Variants in DLG1 observed in about 807,000 individuals in gnomAD.
DLG1 encodes the protein discs large MAGUK scaffold protein 1.
Under a neutral mutation model 123.4 loss-of-function variants are expected in DLG1, and 42 were observed. That is an observed-to-expected ratio of 0.34 (90% CI 0.27 to 0.44). DLG1 has a LOEUF of 0.44. Among genes scored for constraint, DLG1 ranks in the 20% least tolerant of loss-of-function variants. The pLI, the probability that DLG1 is intolerant of heterozygous loss-of-function variation, is 1.00. For missense variants in DLG1, 942 were observed against 1,082.6 expected, an observed-to-expected ratio of 0.87 and a Z score of 1.82; for synonymous variants, 317 against 356.2, an observed-to-expected ratio of 0.89 and a Z score of 1.24.
At chr3:197,261,944 C>A (rs944246165) in intron 4 of DLG1, among the ~76,000 whole-genome samples, 2 of 152,108 alleles carry the variant, frequency 1.3e-5, no homozygotes, top group Non-Finnish European at 2.9e-5. Flanking sequence ...ATAAATAGTG[C>A]AACAGTGCTC....
chr3:197,158,089 G>A (rs994712425), intron 5 of DLG1, among the ~76,000 whole-genome samples: 3 of 152,036 alleles, frequency 2.0e-5, no homozygotes, highest in African/African-American at 4.8e-5. Context: ...AAAACTCGAC[G>A]ATAAAACCAA....
chr3:197,159,416 C>T (rs1032777396), intron 5 of DLG1, among the ~76,000 whole-genome samples: 8 of 152,242 alleles, frequency 5.3e-5, no homozygotes, highest in Non-Finnish European at 1.0e-4. Context: ...GTCAGGTTGG[C>T]GTTACCCCCC....
At chr3:197,196,092 A>C (rs1415094673) in intron 4 of DLG1, among the ~76,000 whole-genome samples, 1 of 150,870 alleles carries the variant, frequency 6.6e-6, no homozygotes, top group Non-Finnish European at 1.5e-5. Flanking sequence ...ACTTCTAGGA[A>C]TGAGAGACAG....
intron 22 of DLG1, among the ~76,000 whole-genome samples, chr3:197,064,503 T>C (rs1738193282): frequency 6.6e-6 from 1 of 152,228 alleles, no homozygotes; most frequent in African/African-American, 2.4e-5. Flanking sequence ...TTTACATTTC[T>C]TTAATAATGA....
intron 3 of DLG1, among the ~76,000 whole-genome samples, chr3:197,283,852 T>A (rs890800897): frequency 6.9e-6 from 1 of 144,304 alleles, no homozygotes; most frequent in Admixed American, 7.4e-5. Flanking sequence ...CCCTTTTCAG[T>A]TGGGTTGTTT....
intron 4 of DLG1, among the ~76,000 whole-genome samples, chr3:197,250,437 T>C (rs1270236340): frequency 6.6e-6 from 1 of 151,636 alleles, no homozygotes; most frequent in African/African-American, 2.4e-5. Context: ...GGCGTCATGG[T>C]GGGCACCTGT....
rs1252259293 is a variant in DLG1 at position 197,115,956 on chromosome 3, C to T, written c.1414G>A (p.Glu472Lys). The change falls in exon 13 of 25, where the codon GAG becomes AAG. Residue 472 changes from glutamate to lysine, a missense_variant. Glu to Lys is a moderately conservative substitution (Grantham distance 56). Transcript: ENST00000667157. ...ATAATACGATCTCCTTTTCTGAGCT[C>T]TCCACTTAGATCAGCAGGTCCTCCG... ...LAGGPADLSG[E>K]LRKGDRIISV... 3.7e-6 allele frequency: 6 copies of T among 1,613,078 alleles called. No homozygotes were observed. Among genetic ancestry groups the T allele is most frequent in the Non-Finnish European group, 5.1e-6 (6 of 1,179,666 alleles).
chr3:197,082,634 T>C (rs1751869849), intron 16 of DLG1, among the ~76,000 whole-genome samples: 1 of 152,194 alleles, frequency 6.6e-6, no homozygotes, highest in Non-Finnish European at 1.5e-5. Flanking sequence ...ACAATTCCTA[T>C]GTTATTTTAG....
chr3:197,092,314 T>A (rs1443545979), intron 14 of DLG1, among the ~76,000 whole-genome samples: 1 of 152,204 alleles, frequency 6.6e-6, no homozygotes, highest in Non-Finnish European at 1.5e-5. Flanking sequence ...GTAATTCTGG[T>A]TCTCAAGATA....
At chr3:197,085,034 G>A (rs987000986) in intron 16 of DLG1, among the ~76,000 whole-genome samples, 19 of 151,182 alleles carry the variant, frequency 1.3e-4, no homozygotes, top group Non-Finnish European at 5.9e-5. Flanking sequence ...TGATCCACCC[G>A]CCTCAGCCTC....
At chr3:197,108,276 C>T (rs552773906) in intron 13 of DLG1, among the ~76,000 whole-genome samples, 1 of 152,162 alleles carries the variant, frequency 6.6e-6, no homozygotes, top group East Asian at 1.9e-4. Context: ...CTTGTGATGT[C>T]TTTGGTTTGG....
intron 3 of DLG1, among the ~76,000 whole-genome samples, chr3:197,294,598 C>T (rs1406945320): frequency 2.1e-5 from 3 of 141,604 alleles, no homozygotes; most frequent in East Asian, 2.2e-4. Flanking sequence ...GCGGAGCTTG[C>T]AGTGAGCGGA....
At position 197,202,253 on chromosome 3, in the gene DLG1, A is replaced by T. The variant is rs145410020; in HGVS notation, c.319-7664T>A. Among the ~76,000 whole-genome samples the T allele has an allele frequency of 4.6e-5, 7 of 152,370 alleles. No homozygotes were observed. The East Asian group carries it at 1.3e-3, about 29-fold the overall frequency. ...TTATATCTGCATTTCAAGTCTATCA[A>T]GGAAACACTGATTGCTGCATTCCTG... On this transcript the variant is annotated intron_variant, in intron 4 of 24. Coordinates refer to ENST00000667157, the MANE Select transcript of DLG1 (RefSeq NM_001366207.1).
At chr3:197,134,258 A>C (rs1784035668) in intron 10 of DLG1, among the ~76,000 whole-genome samples, 1 of 152,176 alleles carries the variant, frequency 6.6e-6, no homozygotes, top group African/African-American at 2.4e-5. Context: ...GTCTCCTTGC[A>C]ACAATAAACA....
At chr3:197,243,444 G>A (rs1391890692) in intron 4 of DLG1, among the ~76,000 whole-genome samples, 2 of 152,146 alleles carry the variant, frequency 1.3e-5, no homozygotes, top group Non-Finnish European at 2.9e-5. Flanking sequence ...TACCTAACAT[G>A]ACCTGACTTT....
At position 197,142,746 on chromosome 3, in the gene DLG1, T is replaced by A; in HGVS notation, c.560A>T (p.Tyr187Phe). 1.2e-6 allele frequency: 2 copies of A among 1,609,672 alleles called. 1 individual carries two copies. The highest frequency in any genetic ancestry group is 2.2e-5 in the South Asian group (2 of 89,374). ...TTCAAGTGTGATTTCTTCATATTCA[T>A]AATCTGCATCTGTGCCATTAACCTA... is the stretch of plus-strand genomic sequence containing the variant. ...PTYVNGTDAD[Y>F]EYEEITLERG... The change falls in exon 7 of 25, where the codon TAT (tyrosine) becomes TTT (phenylalanine). Residue 187 changes from tyrosine (Y) to phenylalanine (F), a missense_variant. Tyr to Phe is a conservative substitution (Grantham distance 22). Coordinates refer to ENST00000667157, the MANE Select transcript of DLG1 (RefSeq NM_001366207.1).
In DLG1 at chr3:197,297,801, A is replaced by G. The variant is rs1778245224; in HGVS notation, c.-31-566T>C. The stretch of plus-strand genomic sequence containing the variant: ...CCCCCACACCTGCGGCGCCGCCACA[A>G]AGTTCCGGTGAGCGGCGTGCGCTCG... On this transcript the variant is annotated intron_variant, in intron 1 of 24. Transcript: ENST00000667157. 3.0e-6 allele frequency: 3 copies of G among 985,280 alleles called. No individual in the cohort carries two copies. The African/African-American group carries it at 5.2e-5, about 17-fold the overall frequency. 61.0% of individuals were successfully genotyped at this position (985,280 alleles called of 1,614,324 possible).
intron 4 of DLG1, among the ~76,000 whole-genome samples, chr3:197,206,286 C>A (rs1278240086): frequency 1.3e-5 from 2 of 152,058 alleles, no homozygotes; most frequent in African/African-American, 2.4e-5. Flanking sequence ...AAAAATAACT[C>A]TTAATTATGT....
chr3:197,097,434 T>A (rs1221355859), intron 14 of DLG1, among the ~76,000 whole-genome samples: 2 of 152,128 alleles, frequency 1.3e-5, no homozygotes, highest in African/African-American at 4.8e-5. Flanking sequence ...AGCTTATATT[T>A]GGGGTTCATA....
Sources: gnomAD v4.1 joint callset for allele counts (sites outside exome capture counted in the v4.1 genomes callset) on GRCh38, gnomAD v4.1.1 for gene constraint, MANE v1.5 for transcripts, NCBI Gene and HGNC (gene_info 2026-07-23, HGNC 2026-07-21) for gene names.